AKAP6: variants seen among roughly 807,000 people sequenced by gnomAD.
The protein encoded by AKAP6 is A-kinase anchor protein 6.
AKAP6 carries 58 observed loss-of-function variants against 188.5 expected under a neutral mutation model. The observed-to-expected ratio is 0.31, with a 90% CI of 0.25 to 0.38. AKAP6 has a LOEUF of 0.38. Among genes scored for constraint, AKAP6 ranks in the 10% least tolerant of loss-of-function variants. The pLI, the probability that AKAP6 is intolerant of heterozygous loss-of-function variation, is 1.00. For missense variants in AKAP6, 2,710 were observed against 2,740.0 expected, an observed-to-expected ratio of 0.99 and a Z score of 0.24; for synonymous variants, 989 against 998.6, an observed-to-expected ratio of 0.99 and a Z score of 0.18.
intron 9 of AKAP6, among the ~76,000 whole-genome samples, chr14:32,725,260 C>CT (rs1262177842): frequency 6.6e-6 from 1 of 152,118 alleles, no homozygotes; most frequent in Admixed American, 6.5e-5. Context: ...ATTCATTTTA[C>CT]TTTTTGCATA....
chr14:32,353,128 A>G (rs1279281945), intron 1 of AKAP6, among the ~76,000 whole-genome samples: 1 of 152,020 alleles, frequency 6.6e-6, no homozygotes, highest in Admixed American at 6.6e-5. Flanking sequence ...AGTGGCTGGC[A>G]CTTACCTATA....
chr14:32,744,313 T>A (rs1322863407), intron 11 of AKAP6, among the ~76,000 whole-genome samples: 3 of 151,824 alleles, frequency 2.0e-5, no homozygotes, highest in Non-Finnish European at 4.4e-5. Flanking sequence ...TTAATTATTT[T>A]ATTTTATTTT....
chr14:32,609,190 C>T (rs1212256117), intron 7 of AKAP6, among the ~76,000 whole-genome samples: 1 of 152,102 alleles, frequency 6.6e-6, no homozygotes, highest in Non-Finnish European at 1.5e-5. Context: ...CCTAAATACT[C>T]CAAATGCTTG....
intron 2 of AKAP6, among the ~76,000 whole-genome samples, chr14:32,522,597 C>G (rs1277093904): frequency 6.6e-6 from 1 of 152,186 alleles, no homozygotes; most frequent in African/African-American, 2.4e-5. Flanking sequence ...AAATGCTCAT[C>G]ATCACTGGCC....
In AKAP6 at chr14:32,823,268, T is replaced by C. The variant is rs751647676; in HGVS notation, c.5455T>C (p.Cys1819Arg). 6.2e-7 allele frequency: 1 copy of C among 1,613,680 alleles called. No homozygotes were observed. Among genetic ancestry groups the C allele is most frequent in the Admixed American group, 1.7e-5 (1 of 59,934 alleles). The change falls in exon 13 of 14, where the codon TGC becomes CGC. Residue 1819 changes from cysteine (C) to arginine (R), a missense_variant. Physicochemically the swap from Cys to Arg is radical, Grantham distance 180. Transcript: ENST00000280979. ...KLSLTRDKKRCNVSDEMKGSK... is the reference protein window; with the variant it reads ...KLSLTRDKKRRNVSDEMKGSK... ...GTCTTTGACAAGAGATAAGAAAAGG[T>C]GCAATGTCAGTGATGAGATGAAGGG...
At chr14:32,475,109 G>A (rs940614725) in intron 2 of AKAP6, among the ~76,000 whole-genome samples, 2 of 151,976 alleles carry the variant, frequency 1.3e-5, no homozygotes, top group African/African-American at 4.8e-5. Context: ...ACTTTCAATG[G>A]TTTATGGATG....
intron 11 of AKAP6, among the ~76,000 whole-genome samples, chr14:32,769,144 C>T (rs1005828886): frequency 6.8e-6 from 1 of 146,462 alleles, no homozygotes; most frequent in African/African-American, 2.6e-5. Context: ...ACCTCCTGGG[C>T]TCAAGCCATT....
intron 1 of AKAP6, among the ~76,000 whole-genome samples, chr14:32,357,957 G>C (rs1013037376): frequency 6.6e-6 from 1 of 152,132 alleles, no homozygotes; most frequent in African/African-American, 2.4e-5. Flanking sequence ...TGATAGTGAA[G>C]GTTTTCAGAT....
intron 9 of AKAP6, among the ~76,000 whole-genome samples, chr14:32,700,541 A>G (rs995734699): frequency 6.6e-6 from 1 of 152,208 alleles, no homozygotes; most frequent in Non-Finnish European, 1.5e-5. Context: ...GAAGGACTAC[A>G]TATGCAATGG....
intron 5 of AKAP6, among the ~76,000 whole-genome samples, chr14:32,580,914 G>C (rs1265786591): frequency 6.6e-6 from 1 of 152,140 alleles, no homozygotes; most frequent in African/African-American, 2.4e-5. Context: ...AGTATTCCAT[G>C]GTGTATATGT....
intron 11 of AKAP6, among the ~76,000 whole-genome samples, chr14:32,747,663 T>G (rs1344721781): frequency 6.6e-6 from 1 of 152,118 alleles, no homozygotes; most frequent in African/African-American, 2.4e-5. Flanking sequence ...ATTGGCTGGG[T>G]TAAGGTTGAA....
chr14:32,601,576 A>T (rs563870009), intron 7 of AKAP6, among the ~76,000 whole-genome samples: 136 of 152,322 alleles, frequency 8.9e-4, no homozygotes, highest in Non-Finnish European at 1.5e-3. Context: ...TTTCTTTTGC[A>T]TCTGCTCCTT....
chr14:32,551,698 G>A (rs893327535), intron 4 of AKAP6, among the ~76,000 whole-genome samples: 3 of 150,824 alleles, frequency 2.0e-5, no homozygotes, highest in South Asian at 2.1e-4. Flanking sequence ...TTGCTCTGTC[G>A]CCCAGGCTGG....
At chr14:32,818,557 G>A (rs2034444897) in intron 12 of AKAP6, among the ~76,000 whole-genome samples, 1 of 150,430 alleles carries the variant, frequency 6.6e-6, no homozygotes, top group Non-Finnish European at 1.5e-5. Context: ...TATTTGATCT[G>A]CAGTTGGTTG....
chr14:32,616,821 A>G (rs1042562102), intron 7 of AKAP6: 1 of 152,240 alleles, frequency 6.6e-6, no homozygotes, highest in Admixed American at 6.5e-5. Flanking sequence ...GTATATATTT[A>G]TAAACAGAGT....
At chr14:32,591,384 T>C (rs530792997) in intron 5 of AKAP6, among the ~76,000 whole-genome samples, 1 of 151,462 alleles carries the variant, frequency 6.6e-6, no homozygotes, top group African/African-American at 2.4e-5. Flanking sequence ...ATTCAGGATC[T>C]CTCCCTTCTA....
intron 13 of AKAP6, 83 bp downstream of exon 13, chr14:32,824,898 A>G: frequency 9.1e-7 from 1 of 1,098,972 alleles, no homozygotes; most frequent in African/African-American, 1.6e-5. Context: ...AAGGCTAGTC[A>G]GAATGACCAG....
intron 2 of AKAP6, among the ~76,000 whole-genome samples, chr14:32,533,344 A>C (rs1441001226): frequency 6.6e-6 from 1 of 152,186 alleles, no homozygotes; most frequent in African/African-American, 2.4e-5. Flanking sequence ...GTGAAAGAGT[A>C]ATGATCAGAA....
At chr14:32,479,626 G>T (rs1285880156) in intron 2 of AKAP6, among the ~76,000 whole-genome samples, 2 of 152,132 alleles carry the variant, frequency 1.3e-5, no homozygotes, top group African/African-American at 2.4e-5. Flanking sequence ...GCTATGGTAT[G>T]AATGTTTGTG....
Sources: gnomAD v4.1 joint callset for allele counts (sites outside exome capture counted in the v4.1 genomes callset) on GRCh38, gnomAD v4.1.1 for gene constraint, MANE v1.5 for transcripts, NCBI Gene and HGNC (gene_info 2026-07-23, HGNC 2026-07-21) for gene names.